The following PTPRM variants were observed in gnomAD, a reference collection of about 807,000 sequenced individuals.
PTPRM encodes the protein receptor-type tyrosine-protein phosphatase mu.
Under a neutral mutation model 186.7 loss-of-function variants are expected in PTPRM, and 47 were observed. That is an observed-to-expected ratio of 0.25 (90% confidence interval 0.20 to 0.32). PTPRM has a LOEUF of 0.32. Among genes scored for constraint, PTPRM ranks in the 10% least tolerant of loss-of-function variants. The pLI is 1.00. For synonymous variants in PTPRM, 668 were observed against 674.9 expected, an observed-to-expected ratio of 0.99 and a Z score of 0.16; for missense variants, 1,494 against 1,865.0, an observed-to-expected ratio of 0.80 and a Z score of 3.66.
intron 4 of PTPRM, among the ~76,000 whole-genome samples, chr18:7,923,141 T>C (rs2050966893): frequency 6.6e-6 from 1 of 151,936 alleles, no homozygotes; most frequent in Non-Finnish European, 1.5e-5. Context: ...CTGAGCGGGG[T>C]AAAATTTAGA....
At chr18:8,008,758 G>A (rs1212535351) in intron 7 of PTPRM, among the ~76,000 whole-genome samples, 3 of 149,392 alleles carry the variant, frequency 2.0e-5, no homozygotes, top group Admixed American at 6.7e-5. Flanking sequence ...ATAGAAACAC[G>A]CACGTGCTTA....
chr18:7,849,105 G>A (rs2046740762), intron 2 of PTPRM, among the ~76,000 whole-genome samples: 1 of 152,036 alleles, frequency 6.6e-6, no homozygotes, highest in Non-Finnish European at 1.5e-5. Flanking sequence ...ATTTTTTTTG[G>A]TAGAATATAT....
chr18:8,344,332 G>A (rs1037987403), intron 23 of PTPRM, among the ~76,000 whole-genome samples: 37 of 151,042 alleles, frequency 2.4e-4, no homozygotes, highest in Non-Finnish European at 5.3e-4. Flanking sequence ...CACAAACCAG[G>A]AAGAAGAAAG....
chr18:8,118,811 AATAT>A (rs1555749529), intron 13 of PTPRM, among the ~76,000 whole-genome samples: 4 of 128,366 alleles, frequency 3.1e-5, no homozygotes, highest in African/African-American at 8.6e-5. Context: ...AAAAAAAAAA[AATAT>A]ATATATATAT....
intron 1 of PTPRM, among the ~76,000 whole-genome samples, chr18:7,739,067 G>A (rs367808480): frequency 1.3e-4 from 20 of 152,046 alleles, no homozygotes; most frequent in South Asian, 8.3e-4. Flanking sequence ...CACTTTTCTC[G>A]TCGCACATCA....
chr18:7,755,119 G>T (rs956956282), intron 1 of PTPRM: 1 of 151,848 alleles, frequency 6.6e-6, no homozygotes, highest in African/African-American at 2.4e-5. Context: ...TTGGGACCAA[G>T]AATTTGAAGA....
rs114488854 is a variant in PTPRM, at chr18:8,263,688, G to A, written c.2754+10274G>A. Among the ~76,000 whole-genome samples, 738 of 152,128 alleles carry A rather than the reference G, an allele frequency of 4.9e-3. 5 individuals carry two copies. Among genetic ancestry groups the A allele is most frequent in the African/African-American group, 0.017 (692 of 41,434 alleles). On this transcript the variant is annotated intron_variant, in intron 19 of 32. Coordinates refer to ENST00000580170, the MANE Select transcript of PTPRM (RefSeq NM_001105244.2). The stretch of plus-strand genomic sequence containing the variant: ...TCAGCCCCACACACCAACCTCCAGC[G>A]AAGAGGGGTAGAGGCAGCTAGAGAT...
intron 1 of PTPRM, among the ~76,000 whole-genome samples, chr18:7,623,220 CT>C (rs1467153437): frequency 2.0e-5 from 3 of 151,782 alleles, no homozygotes; most frequent in Admixed American, 1.3e-4. Context: ...TAAATCTTAC[CT>C]TTTTTTGGAA....
At chr18:8,100,869 A>AAATT (rs1459356198) in intron 11 of PTPRM, among the ~76,000 whole-genome samples, 1 of 152,242 alleles carries the variant, frequency 6.6e-6, no homozygotes, top group Non-Finnish European at 1.5e-5. Context: ...TAATACACTT[A>AAATT]AAATTTCCTA....
At chr18:8,335,910 T>C (rs1380596090) in intron 22 of PTPRM, among the ~76,000 whole-genome samples, 1 of 152,090 alleles carries the variant, frequency 6.6e-6, no homozygotes, top group Non-Finnish European at 1.5e-5. Context: ...TAGTCCCAGC[T>C]ACTCTGGAGG....
At chr18:7,952,004 C>G (rs1162822338) in intron 6 of PTPRM, among the ~76,000 whole-genome samples, 4 of 152,156 alleles carry the variant, frequency 2.6e-5, no homozygotes, top group African/African-American at 9.7e-5. Context: ...AACCATCACT[C>G]TCATCTTTAT....
chr18:7,977,211 T>C (rs1332231852), intron 7 of PTPRM, among the ~76,000 whole-genome samples: 1 of 152,102 alleles, frequency 6.6e-6, no homozygotes, highest in Non-Finnish European at 1.5e-5. Flanking sequence ...TGCCTCAGCC[T>C]CCTGAGTAGC....
chr18:7,646,033 C>T (rs1035978915), intron 1 of PTPRM, among the ~76,000 whole-genome samples: 2 of 152,092 alleles, frequency 1.3e-5, no homozygotes, highest in Admixed American at 1.3e-4. Flanking sequence ...TTCTTTCTGG[C>T]GAGCTCTGTG....
intron 1 of PTPRM, among the ~76,000 whole-genome samples, chr18:7,634,732 G>A (rs918918204): frequency 6.6e-6 from 1 of 152,026 alleles, no homozygotes; most frequent in Non-Finnish European, 1.5e-5. Context: ...ATCTATTGTT[G>A]CATCCCTAGT....
At chr18:7,946,698 A>C (rs2052546175) in intron 5 of PTPRM, among the ~76,000 whole-genome samples, 1 of 152,194 alleles carries the variant, frequency 6.6e-6, no homozygotes. Flanking sequence ...TAGTGAAAAA[A>C]ACACACACAG....
chr18:8,160,217 C>T (rs1482060247), intron 14 of PTPRM, among the ~76,000 whole-genome samples: 2 of 152,066 alleles, frequency 1.3e-5, no homozygotes, highest in African/African-American at 2.4e-5. Flanking sequence ...TTCAAAAAAA[C>T]GAATAAACCT....
At chr18:8,236,886 T>C (rs2094351577) in intron 14 of PTPRM, among the ~76,000 whole-genome samples, 1 of 152,210 alleles carries the variant, frequency 6.6e-6, no homozygotes, top group African/African-American at 2.4e-5. Flanking sequence ...TGATTATTGA[T>C]AACATTGGAT....
intron 7 of PTPRM, among the ~76,000 whole-genome samples, chr18:8,026,408 G>A (rs552465080): frequency 3.5e-4 from 53 of 152,270 alleles, no homozygotes; most frequent in Non-Finnish European, 5.7e-4. Flanking sequence ...AGAAGAATAT[G>A]TTAACTACAA....
In PTPRM at chr18:8,394,585, A is replaced by C. The variant is rs771772393; in HGVS notation, c.4318A>C (p.Asn1440His). Residue 1440 changes from asparagine to histidine, a missense_variant, in exon 32 of 33, where the codon AAC (asparagine) becomes CAC (histidine). Physicochemically the swap from Asn to His is moderately conservative, Grantham distance 68. This residue lies in a region of PTPRM where 1,107 missense variants were observed against 1,350.2 expected (regional missense o/e 0.82). Coordinates refer to ENST00000580170, the MANE Select transcript of PTPRM (RefSeq NM_001105244.2). ...VFHAVKTLRN[N>H]KPNMVDLLDQ... ...TCACGCTGTGAAGACACTGAGGAAC[A>C]ACAAGCCCAACATGGTCGACCTCCT... 1 of 1,612,350 alleles carries C rather than the reference A, an allele frequency of 6.2e-7. No individual in the cohort carries two copies. The highest frequency in any genetic ancestry group is 1.1e-5 in the South Asian group (1 of 90,614).
Sources: allele counts gnomAD v4.1 joint callset (sites outside exome capture counted in the v4.1 genomes callset), GRCh38; gene constraint gnomAD v4.1.1; regional missense constraint gnomAD v4.1.1; transcripts MANE v1.5; gene names NCBI Gene and HGNC (gene_info 2026-07-23, HGNC 2026-07-21).